The following AGBL1 variants were observed in gnomAD, a reference collection of about 807,000 sequenced individuals.
AGBL1 encodes the protein cytosolic carboxypeptidase 4.
In AGBL1, 130 loss-of-function variants were observed where a neutral mutation model predicts 118.9. The ratio of observed to expected loss-of-function variants is 1.09; its 90% CI spans 0.95 to 1.26. AGBL1 has a LOEUF of 1.26. AGBL1 is among the 50% of genes most tolerant of loss of function. The pLI, the probability that AGBL1 is intolerant of heterozygous loss-of-function variation, is 0.00. For missense variants in AGBL1, 1,584 were observed against 1,298.1 expected (o/e 1.22, Z -3.38); for synonymous variants, 555 against 478.9 (o/e 1.16, Z -2.08).
Position 86,720,808 on chromosome 15 carries a change from A to G in AGBL1, c.3158+46372A>G, listed in dbSNP as rs151040352. On this transcript the variant is annotated intron_variant, in intron 22 of 22. Coordinates refer to ENST00000614907, the MANE Select transcript of AGBL1 (RefSeq NM_001386094.1). The stretch of plus-strand genomic sequence containing the variant: ...CCAAATAGACACAATAAAAAATGAT[A>G]AAGGGGATATCACCACCGATGCCAC... Among the ~76,000 whole-genome samples, 53 of 152,320 alleles carry G rather than the reference A, an allele frequency of 3.5e-4. 1 individual carries two copies. In the East Asian group the frequency reaches 0.01, roughly 29 times the overall value.
intron 17 of AGBL1, among the ~76,000 whole-genome samples, chr15:86,343,356 T>A (rs906536051): frequency 1.3e-5 from 2 of 152,162 alleles, no homozygotes; most frequent in Admixed American, 1.3e-4. Flanking sequence ...GTCCCCTGCA[T>A]CCCATTGTCG....
intron 17 of AGBL1, among the ~76,000 whole-genome samples, chr15:86,347,201 G>A (rs1162530285): frequency 6.6e-6 from 1 of 152,178 alleles, no homozygotes; most frequent in Non-Finnish European, 1.5e-5. Context: ...TGCCTTAGGA[G>A]AAGTGATCTA....
At chr15:86,637,908 G>T (rs1455145884) in intron 21 of AGBL1, among the ~76,000 whole-genome samples, 2 of 152,262 alleles carry the variant, frequency 1.3e-5, no homozygotes, top group South Asian at 4.2e-4. Context: ...GATGGTGTTT[G>T]GAAAATATTA....
chr15:86,591,808 TC>T (rs1345458400), intron 21 of AGBL1, among the ~76,000 whole-genome samples: 4 of 152,038 alleles, frequency 2.6e-5, no homozygotes, highest in African/African-American at 9.7e-5. Flanking sequence ...GCCCCTCTCC[TC>T]TCCCTAAAAG....
At chr15:86,684,415 A>G (rs1184726430) in intron 22 of AGBL1, among the ~76,000 whole-genome samples, 2 of 152,094 alleles carry the variant, frequency 1.3e-5, no homozygotes, top group African/African-American at 4.8e-5. Flanking sequence ...GCTGTCCTGT[A>G]AATTTCCATG....
chr15:86,144,868 G>C (rs903306067), intron 3 of AGBL1, among the ~76,000 whole-genome samples: 3 of 152,194 alleles, frequency 2.0e-5, no homozygotes, highest in African/African-American at 7.2e-5. Context: ...TCCTAGAGCT[G>C]CCATACGAAT....
At chr15:86,330,168 G>A (rs1398197829) in intron 17 of AGBL1, among the ~76,000 whole-genome samples, 1 of 152,150 alleles carries the variant, frequency 6.6e-6, no homozygotes, top group Non-Finnish European at 1.5e-5. Flanking sequence ...AGACCACTGT[G>A]TACTCCACAA....
At chr15:86,290,728 C>G (rs955184807) in intron 16 of AGBL1, among the ~76,000 whole-genome samples, 3 of 151,458 alleles carry the variant, frequency 2.0e-5, no homozygotes, top group African/African-American at 7.3e-5. Context: ...TTAGGGTACA[C>G]GTGCACAGTG....
intron 3 of AGBL1, among the ~76,000 whole-genome samples, chr15:86,146,087 T>C (rs535598661): frequency 6.6e-6 from 1 of 152,244 alleles, no homozygotes; most frequent in South Asian, 2.1e-4. Flanking sequence ...CCCTGACACT[T>C]ATTAGCTGTG....
At chr15:86,925,856 A>C (rs1464237276) in intron 23 of AGBL1, among the ~76,000 whole-genome samples, 1 of 150,870 alleles carries the variant, frequency 6.6e-6, no homozygotes, top group Non-Finnish European at 1.5e-5. Context: ...TTAGCCTCCC[A>C]AGTAGCTGGG....
chr15:86,883,144 T>A (rs2079919852), intron 22 of AGBL1, among the ~76,000 whole-genome samples: 1 of 152,108 alleles, frequency 6.6e-6, no homozygotes, highest in Non-Finnish European at 1.5e-5. Flanking sequence ...ATTGCTTCCA[T>A]TAATTATGTT....
intron 7 of AGBL1, among the ~76,000 whole-genome samples, chr15:86,250,312 G>T (rs1245024772): frequency 2.0e-5 from 3 of 151,744 alleles, no homozygotes; most frequent in Non-Finnish European, 4.4e-5. Context: ...ATCACCTGAG[G>T]TCAGGAGTTC....
intron 24 of AGBL1, among the ~76,000 whole-genome samples, chr15:87,008,670 C>G (rs966955259): frequency 1.2e-4 from 19 of 152,078 alleles, no homozygotes; most frequent in Non-Finnish European, 1.8e-4. Flanking sequence ...AGTTTGAAAC[C>G]CCCTGGAGAC....
intron 17 of AGBL1, among the ~76,000 whole-genome samples, chr15:86,371,377 T>C (rs2080968263): frequency 6.6e-6 from 1 of 152,130 alleles, no homozygotes; most frequent in Non-Finnish European, 1.5e-5. Flanking sequence ...CATAATTTTG[T>C]GCATGAAGAG....
chr15:86,183,971 G>T (rs1043950665), intron 5 of AGBL1, among the ~76,000 whole-genome samples: 1 of 152,166 alleles, frequency 6.6e-6, no homozygotes, highest in Admixed American at 6.5e-5. Context: ...CAGCACACTC[G>T]TGCCTGCCTG....
At chr15:86,383,812 C>A (rs890112158) in intron 17 of AGBL1, among the ~76,000 whole-genome samples, 4 of 152,194 alleles carry the variant, frequency 2.6e-5, no homozygotes, top group African/African-American at 9.6e-5. Context: ...TTGGATCTTT[C>A]TCCTGTTCTA....
chr15:86,334,082 A>T (rs2080318580), intron 17 of AGBL1, among the ~76,000 whole-genome samples: 1 of 152,186 alleles, frequency 6.6e-6, no homozygotes, highest in East Asian at 1.9e-4. Context: ...CATAATAAAC[A>T]TGCAAAAACT....
At chr15:86,216,854 C>T (rs186872069) in intron 5 of AGBL1, among the ~76,000 whole-genome samples, 189 of 152,282 alleles carry the variant, frequency 1.2e-3, no homozygotes, top group African/African-American at 4.3e-3. Flanking sequence ...TGCTCCACTC[C>T]TGTCATCCTC....
chr15:87,017,766 C>T (rs2081621916), intron 24 of AGBL1, among the ~76,000 whole-genome samples: 1 of 152,088 alleles, frequency 6.6e-6, no homozygotes, highest in African/African-American at 2.4e-5. Flanking sequence ...AGCATCTCTC[C>T]AGGAAGGGCA....
Sources: gnomAD v4.1 joint callset for allele counts (sites outside exome capture counted in the v4.1 genomes callset) on GRCh38, gnomAD v4.1.1 for gene constraint, MANE v1.5 for transcripts, NCBI Gene and HGNC (gene_info 2026-07-23, HGNC 2026-07-21) for gene names.